Variants in KIAA0319L observed in about 807,000 individuals in gnomAD.
KIAA0319L encodes the protein KIAA0319 like, also known as dyslexia-associated protein KIAA0319-like protein.
In KIAA0319L, 55 loss-of-function variants were observed where a neutral mutation model predicts 120.1. The observed-to-expected ratio is 0.46, with a 90% CI of 0.37 to 0.57. The LOEUF is 0.57. KIAA0319L is among the 20% of genes least tolerant of loss of function. KIAA0319L has a pLI of 0.00. For missense variants in KIAA0319L, 1,049 were observed against 1,255.3 expected (o/e 0.84, Z 2.48); for synonymous variants, 398 against 471.9 (o/e 0.84, Z 2.03).
chr1:35,458,237 G>GT (rs1642630432), intron 9 of KIAA0319L, among the ~76,000 whole-genome samples: 1 of 152,110 alleles, frequency 6.6e-6, no homozygotes. Flanking sequence ...CGCCCAGCCT[G>GT]TTTTTTGTTT....
chr1:35,444,087 A>G, intron 17 of KIAA0319L, 74 bp downstream of exon 17: 7 of 1,271,674 alleles, frequency 5.5e-6, no homozygotes, highest in Non-Finnish European at 7.6e-6. Flanking sequence ...ATGAAGGCCA[A>G]GGACAGAAAG....
intron 3 of KIAA0319L, among the ~76,000 whole-genome samples, chr1:35,496,213 G>A (rs1405217501): frequency 6.6e-6 from 1 of 151,860 alleles, no homozygotes; most frequent in Non-Finnish European, 1.5e-5. Flanking sequence ...TGAGGTCAGG[G>A]GTTCGATACC....
chr1:35,492,905 TC>T (rs1644651930), intron 3 of KIAA0319L, among the ~76,000 whole-genome samples: 1 of 152,176 alleles, frequency 6.6e-6, no homozygotes, highest in South Asian at 2.1e-4. Context: ...ACATCTGTAA[TC>T]CCAGCACACT....
chr1:35,540,966 C>G (rs948292200), intron 2 of KIAA0319L, among the ~76,000 whole-genome samples: 2 of 151,784 alleles, frequency 1.3e-5, no homozygotes, highest in African/African-American at 4.8e-5. Flanking sequence ...TTTCTTGAGA[C>G]AGTCTCACTC....
chr1:35,435,367 G>C lies in KIAA0319L; in HGVS notation c.2963-286C>G, dbSNP rs149390579. On this transcript the variant is annotated intron_variant, in intron 20 of 20. Transcript: ENST00000325722. ...TGAGCTTTGGTTCAGGCCACTCAGT[G>C]ACATTCTCTTTTCTTTACCTTTCAA... 2.8e-5 allele frequency: 9 copies of C among 326,564 alleles called. No homozygotes were observed. The East Asian group carries it at 5.2e-4, about 19-fold the overall frequency. 20.2% of individuals were successfully genotyped at this position (326,564 alleles called of 1,614,324 possible).
intron 5 of KIAA0319L, among the ~76,000 whole-genome samples, chr1:35,471,302 A>C (rs1182317560): frequency 1.3e-5 from 2 of 152,208 alleles, no homozygotes; most frequent in Non-Finnish European, 2.9e-5. Flanking sequence ...AGATGAACTC[A>C]TTGGGAACAA....
chr1:35,484,095 G>A (rs1340918343), intron 3 of KIAA0319L, among the ~76,000 whole-genome samples: 3 of 152,172 alleles, frequency 2.0e-5, no homozygotes, highest in South Asian at 2.1e-4. Context: ...CATCTGCCAA[G>A]ACCCTATTCC....
At position 35,448,288 on chromosome 1, in the gene KIAA0319L, C is replaced by T. The variant is rs150251578; in HGVS notation, c.2398G>A (p.Val800Ile). The change falls in exon 16 of 21, where the codon GTC becomes ATC. Residue 800 changes from valine to isoleucine, a missense_variant. Val to Ile is a conservative substitution (Grantham distance 29). Transcript: ENST00000325722. ...NLVEIILDIN[V>I]SQLTERLKGM... ...TTCAGCCTCTCAGTTAGCTGACTGA[C>T]GTTGATATCCAAGATGATCTCCACC... 21 of 1,613,918 alleles carry T rather than the reference C, an allele frequency of 1.3e-5. No individual in the cohort carries two copies. In the East Asian group the frequency reaches 2.0e-4, roughly 15 times the overall value.
chr1:35,531,804 G>A (rs1043560003), intron 2 of KIAA0319L, among the ~76,000 whole-genome samples: 13 of 152,042 alleles, frequency 8.6e-5, no homozygotes, highest in African/African-American at 2.9e-4. Flanking sequence ...ACCTCTAGTC[G>A]GTCATCTTGA....
At chr1:35,476,154 T>C (rs1643891573) in intron 4 of KIAA0319L, among the ~76,000 whole-genome samples, 1 of 152,190 alleles carries the variant, frequency 6.6e-6, no homozygotes, top group South Asian at 2.1e-4. Flanking sequence ...TTCACATATG[T>C]CAGAGTTTCT....
At chr1:35,484,618 T>A (rs1644292198) in intron 3 of KIAA0319L, among the ~76,000 whole-genome samples, 1 of 151,920 alleles carries the variant, frequency 6.6e-6, no homozygotes, top group South Asian at 2.1e-4. Flanking sequence ...TTCCAATCTC[T>A]ATTTCTTTCA....
rs1558705740 is a variant in KIAA0319L, at chr1:35,557,388, G to T, written c.-210C>A. On this transcript the variant is annotated 5_prime_UTR_variant, in exon 1 of 21. Coordinates refer to ENST00000325722, the MANE Select transcript of KIAA0319L (RefSeq NM_024874.5). ...TCTCGCCTCAGCCTCCCTGGACAGC[G>T]ACGGCGGCCGGAAACACCGCCTCCT... is the stretch of plus-strand genomic sequence containing the variant. 1.3e-5 allele frequency: 4 copies of T among 313,728 alleles called. No individual in the cohort carries two copies. Among genetic ancestry groups the T allele is most frequent in the South Asian group, 9.1e-5 (4 of 43,730 alleles). The allele number at this position is 313,728 out of a possible 1,614,324, so 19.4% of individuals were successfully genotyped here. A position where few individuals can be genotyped will look rare whatever the true frequency, so the allele number is the denominator to read the frequency against.
At chr1:35,470,152 C>T (rs1006281573) in intron 6 of KIAA0319L, among the ~76,000 whole-genome samples, 1 of 151,952 alleles carries the variant, frequency 6.6e-6, no homozygotes, top group Non-Finnish European at 1.5e-5. Flanking sequence ...GGATTACAGG[C>T]GGGAGCCACT....
At chr1:35,532,808 A>AAAG in intron 2 of KIAA0319L, among the ~76,000 whole-genome samples, 1 of 152,228 alleles carries the variant, frequency 6.6e-6, no homozygotes, top group East Asian at 1.9e-4. Context: ...TCTGGAATGC[A>AAAG]CTGTTGGTAG....
chr1:35,461,630 T>C (rs932260435), intron 8 of KIAA0319L, among the ~76,000 whole-genome samples: 11 of 152,208 alleles, frequency 7.2e-5, no homozygotes, highest in African/African-American at 2.7e-4. Context: ...AATAACACCA[T>C]TGACTGTCTG....
At chr1:35,522,427 G>A (rs1341823817) in intron 2 of KIAA0319L, among the ~76,000 whole-genome samples, 3 of 151,672 alleles carry the variant, frequency 2.0e-5, no homozygotes, top group Non-Finnish European at 4.4e-5. Context: ...TTACAGGCAC[G>A]CACCACCACG....
chr1:35,511,154 T>C (rs1023195709), intron 2 of KIAA0319L: 2 of 153,200 alleles, frequency 1.3e-5, no homozygotes, highest in African/African-American at 4.8e-5. Context: ...AAATCTCCTT[T>C]GCTGGGCATC....
chr1:35,548,875 G>A (rs1221121167), intron 2 of KIAA0319L, among the ~76,000 whole-genome samples: 3 of 151,960 alleles, frequency 2.0e-5, no homozygotes, highest in Admixed American at 6.6e-5. Flanking sequence ...CTTTGCTCTT[G>A]CATTCCCATT....
At chr1:35,455,979 T>TG (rs1470047894) in intron 10 of KIAA0319L, 34 bp downstream of exon 10, 1 of 1,530,266 alleles carries the variant, frequency 6.5e-7, no homozygotes, top group Non-Finnish European at 9.0e-7. Context: ...CTACTTCTCT[T>TG]GGGCAAGAAA....
Sources: gnomAD v4.1 joint callset for allele counts (sites outside exome capture counted in the v4.1 genomes callset) on GRCh38, gnomAD v4.1.1 for gene constraint, MANE v1.5 for transcripts, NCBI Gene and HGNC (gene_info 2026-07-23, HGNC 2026-07-21) for gene names.